IMMP2L: variants seen among roughly 807,000 people sequenced by gnomAD.
The protein encoded by IMMP2L is mitochondrial inner membrane protease subunit 2.
IMMP2L carries 18 observed loss-of-function variants against 19.3 expected under a neutral mutation model. The ratio of observed to expected loss-of-function variants is 0.93; its 90% CI spans 0.64 to 1.38. The LOEUF is 1.38. Among genes scored for constraint, IMMP2L ranks in the 40% most tolerant of loss-of-function variants. The probability of loss-of-function intolerance (pLI) is 0.00; values close to 1 mark genes in which losing one functional copy is unlikely to be tolerated. For synonymous variants in IMMP2L, 76 were observed against 73.0 expected, an observed-to-expected ratio of 1.04 and a Z score of -0.21; for missense variants, 233 against 218.2, an observed-to-expected ratio of 1.07 and a Z score of -0.43.
chr7:110,945,760 A>C (rs1028141458), intron 4 of IMMP2L, among the ~76,000 whole-genome samples: 1 of 150,680 alleles, frequency 6.6e-6, no homozygotes, highest in African/African-American at 2.4e-5. Context: ...GTGGAAATGA[A>C]CTCCTAAAGA....
chr7:111,382,097 T>C (rs1831253727), intron 3 of IMMP2L, among the ~76,000 whole-genome samples: 2 of 151,880 alleles, frequency 1.3e-5, no homozygotes, highest in Non-Finnish European at 2.9e-5. Flanking sequence ...TAAAAGGGTT[T>C]GCTCCAGGAG....
At chr7:111,528,495 G>A (rs1847095133) in intron 1 of IMMP2L, among the ~76,000 whole-genome samples, 3 of 152,130 alleles carry the variant, frequency 2.0e-5, no homozygotes, top group African/African-American at 4.8e-5. Flanking sequence ...AGAATCAAGT[G>A]AAACCATATT....
At chr7:111,131,440 A>T (rs192022428) in intron 3 of IMMP2L, among the ~76,000 whole-genome samples, 2 of 152,128 alleles carry the variant, frequency 1.3e-5, no homozygotes, top group East Asian at 3.9e-4. Flanking sequence ...GAGTAGAAAG[A>T]TTACAAATTA....
At chr7:111,259,261 T>C (rs1007544691) in intron 3 of IMMP2L, among the ~76,000 whole-genome samples, 2 of 152,122 alleles carry the variant, frequency 1.3e-5, no homozygotes, top group Non-Finnish European at 2.9e-5. Flanking sequence ...CCTGAAGGCC[T>C]AGGACTTTAC....
rs1399826766 is a variant in IMMP2L at position 110,924,845 on chromosome 7, T to C, written c.306-38150A>G. ...CAATTTGAAAAAATGTTCTGGTTCA[T>C]GCCTCTGCCACTACACTGCCTTAGA... On this transcript the variant is annotated intron_variant, in intron 4 of 5. Coordinates refer to ENST00000405709, the MANE Select transcript of IMMP2L (RefSeq NM_032549.4). This position sits in a 1 kb window ranked among gnomAD's most constrained non-coding sequence, Gnocchi z 4.2. 6.6e-6 allele frequency among the ~76,000 whole-genome samples: 1 copy of C among 152,186 alleles called. No homozygotes were observed. Among genetic ancestry groups the C allele is most frequent in the African/African-American group, 2.4e-5 (1 of 41,450 alleles).
intron 4 of IMMP2L, among the ~76,000 whole-genome samples, chr7:110,923,282 A>G (rs1814499992): frequency 1.3e-5 from 2 of 152,222 alleles, no homozygotes; most frequent in African/African-American, 4.8e-5. Flanking sequence ...TGGCTTGACC[A>G]TAAACACAGG....
intron 3 of IMMP2L, among the ~76,000 whole-genome samples, chr7:111,138,334 C>A (rs1285470709): frequency 6.6e-6 from 1 of 152,156 alleles, no homozygotes; most frequent in Non-Finnish European, 1.5e-5. Context: ...ACTAGGGTGA[C>A]AGCTCATAAA....
At chr7:111,071,327 A>G (rs1048148435) in intron 3 of IMMP2L, among the ~76,000 whole-genome samples, 13 of 152,186 alleles carry the variant, frequency 8.5e-5, no homozygotes, top group Non-Finnish European at 1.5e-4. Flanking sequence ...AAACAGTTTG[A>G]TGATGCTTCA....
intron 5 of IMMP2L, among the ~76,000 whole-genome samples, chr7:110,685,084 A>C (rs12540895): frequency 6.6e-6 from 1 of 152,062 alleles, no homozygotes; most frequent in East Asian, 1.9e-4. Flanking sequence ...GTCTCAACTC[A>C]AACTAATCCA....
At chr7:110,751,543 G>A (rs1797721076) in intron 5 of IMMP2L, among the ~76,000 whole-genome samples, 2 of 151,868 alleles carry the variant, frequency 1.3e-5, no homozygotes, top group Non-Finnish European at 2.9e-5. Context: ...TTGATAACCA[G>A]CCAATGTTCT....
chr7:111,453,103 T>G (rs1263288950), intron 3 of IMMP2L, among the ~76,000 whole-genome samples: 1 of 152,166 alleles, frequency 6.6e-6, no homozygotes, highest in Admixed American at 6.5e-5. Context: ...ATTTTTCTAA[T>G]CTTCGTGTCA....
intron 4 of IMMP2L, among the ~76,000 whole-genome samples, chr7:110,957,078 G>A (rs1818428576): frequency 6.6e-6 from 1 of 151,666 alleles, no homozygotes; most frequent in South Asian, 2.1e-4. Flanking sequence ...TACCCATTTG[G>A]GTCCACATTA....
intron 3 of IMMP2L, among the ~76,000 whole-genome samples, chr7:111,380,160 G>T (rs112519544): frequency 0.018 from 2,681 of 151,828 alleles, 37 homozygotes; most frequent in Non-Finnish European, 0.028. Context: ...ACAGTATTAC[G>T]TCTTTTTGTT....
intron 3 of IMMP2L, among the ~76,000 whole-genome samples, chr7:111,478,122 C>T (rs1338368730): frequency 1.3e-5 from 2 of 152,054 alleles, no homozygotes; most frequent in East Asian, 1.9e-4. Context: ...TGGTAGTCAG[C>T]CTTTTCCACT....
chr7:111,038,305 G>A (rs561536526), intron 3 of IMMP2L, among the ~76,000 whole-genome samples: 1 of 152,124 alleles, frequency 6.6e-6, no homozygotes, highest in East Asian at 1.9e-4. Flanking sequence ...TACGTTGGTG[G>A]CTAGTTAATT....
intron 3 of IMMP2L, among the ~76,000 whole-genome samples, chr7:111,131,670 A>G (rs545640023): frequency 6.6e-6 from 1 of 152,106 alleles, no homozygotes; most frequent in African/African-American, 2.4e-5. Flanking sequence ...TATATTACAT[A>G]TAAATGTGTA....
chr7:111,095,799 A>G (rs1341869297), intron 3 of IMMP2L, among the ~76,000 whole-genome samples: 1 of 151,846 alleles, frequency 6.6e-6, no homozygotes, highest in Non-Finnish European at 1.5e-5. Flanking sequence ...CCCTTTTTTT[A>G]TATACAGTGT....
intron 3 of IMMP2L, among the ~76,000 whole-genome samples, chr7:111,182,988 T>C (rs1807877042): frequency 6.6e-6 from 1 of 152,060 alleles, no homozygotes; most frequent in Admixed American, 6.6e-5. Context: ...CTAGATTGCA[T>C]AAGCTTTTAT....
At chr7:111,178,468 TATTA>T (rs1205557557) in intron 3 of IMMP2L, among the ~76,000 whole-genome samples, 3 of 152,032 alleles carry the variant, frequency 2.0e-5, no homozygotes, top group South Asian at 2.1e-4. Flanking sequence ...AAGTCTGCCC[TATTA>T]ATTAACTCTT....
Sources: gnomAD v4.1 joint callset for allele counts (sites outside exome capture counted in the v4.1 genomes callset) on GRCh38, gnomAD v4.1.1 for gene constraint, Gnocchi (gnomAD v3.1) non-coding constraint, MANE v1.5 for transcripts, NCBI Gene and HGNC (gene_info 2026-07-23, HGNC 2026-07-21) for gene names.